TNFRSF8: variants seen among roughly 807,000 people sequenced by gnomAD.
The protein encoded by TNFRSF8 is TNF receptor superfamily member 8.
A neutral mutation model predicts 70.8 loss-of-function variants in TNFRSF8; 26 were observed. The ratio of observed to expected loss-of-function variants is 0.37; its 90% confidence interval spans 0.27 to 0.51. The LOEUF is 0.51. TNFRSF8 is among the 20% of genes least tolerant of loss of function. The probability of loss-of-function intolerance (pLI) is 0.94; values close to 1 mark genes in which losing one functional copy is unlikely to be tolerated. For synonymous variants in TNFRSF8, 356 were observed against 339.2 expected, an observed-to-expected ratio of 1.05 and a Z score of -0.54; for missense variants, 720 against 807.9, an observed-to-expected ratio of 0.89 and a Z score of 1.32.
At chr1:12,069,321 GGT>G (rs1640801110) in intron 1 of TNFRSF8, among the ~76,000 whole-genome samples, 1 of 151,798 alleles carries the variant, frequency 6.6e-6, no homozygotes, top group Non-Finnish European at 1.5e-5. Context: ...TGGGATTACA[GGT>G]GTGTGCCACC....
chr1:12,126,876 A>T (rs1148475), intron 12 of TNFRSF8, among the ~76,000 whole-genome samples: 1 of 152,144 alleles, frequency 6.6e-6, no homozygotes, highest in African/African-American at 2.4e-5. Context: ...CCTGCCTGCA[A>T]TCGGTGGCTG....
In TNFRSF8 at chr1:12,123,847, CA is replaced by C; in HGVS notation, c.1153+21del. On this transcript the variant is annotated intron_variant, in intron 10 of 14. Coordinates refer to ENST00000263932, the MANE Select transcript of TNFRSF8 (RefSeq NM_001243.5). The stretch of plus-strand genomic sequence containing the variant: ...ATGCAGGTAATGGTCCCAGCCCACT[CA>C]CCCCTACTCCCAGCAGGGGCTTCCT... The C allele has an allele frequency of 1.3e-6, 2 of 1,540,940 alleles. No homozygotes were observed. Among genetic ancestry groups the C allele is most frequent in the South Asian group, 2.4e-5 (2 of 83,892 alleles).
rs1021234319 is a variant in TNFRSF8, at chr1:12,138,818, A to G, written c.1543+382A>G. On this transcript the variant is annotated intron_variant, in intron 14 of 14. Transcript: ENST00000263932. The surrounding 1 kb of genome is among the most constrained non-coding windows in gnomAD (Gnocchi z 5.7). ...CCATCTCTTCATCTCTGATGGTCTC[A>G]CCACCTTCTTTGGATGGTGTCTTTC... 1.3e-5 allele frequency among the ~76,000 whole-genome samples: 2 copies of G among 152,180 alleles called. No individual in the cohort carries two copies. The highest frequency in any genetic ancestry group is 4.8e-5 in the African/African-American group (2 of 41,440).
chr1:12,120,699 G>T (rs1239428212), intron 8 of TNFRSF8, among the ~76,000 whole-genome samples: 1 of 152,142 alleles, frequency 6.6e-6, no homozygotes, highest in African/African-American at 2.4e-5. Context: ...GAGTAGGCAG[G>T]TTCTTTTCTT....
At chr1:12,090,822 A>C (rs561604944) in intron 2 of TNFRSF8, among the ~76,000 whole-genome samples, 7 of 152,236 alleles carry the variant, frequency 4.6e-5, no homozygotes, top group African/African-American at 1.7e-4. Flanking sequence ...CCAGAAGTAG[A>C]CTGTTATGGG....
intron 1 of TNFRSF8, among the ~76,000 whole-genome samples, chr1:12,082,101 A>T (rs1424791781): frequency 6.6e-6 from 1 of 152,096 alleles, no homozygotes; most frequent in Non-Finnish European, 1.5e-5. Flanking sequence ...CACCCCAGAA[A>T]AGTGCAATGG....
rs569302999 is a variant in TNFRSF8 at position 12,077,629 on chromosome 1, G to A, written c.64-6835G>A. On this transcript the variant is annotated intron_variant, in intron 1 of 14. Coordinates refer to ENST00000263932, the MANE Select transcript of TNFRSF8 (RefSeq NM_001243.5). ...GGCACACAGCACATGACCTGGATGG[G>A]GGTGATCAGAGAGGGCTTCCCAGAG... Among the ~76,000 whole-genome samples, 54 of 152,286 alleles carry A rather than the reference G, an allele frequency of 3.5e-4. No homozygotes were observed. In the Middle Eastern group the frequency reaches 0.024, roughly 67 times the overall value.
At chr1:12,125,779 G>A in intron 10 of TNFRSF8, 172 bp from the exon 11 acceptor site, 1 of 663,436 alleles carries the variant, frequency 1.5e-6, no homozygotes, top group Admixed American at 2.4e-5. Context: ...TCAGCTTCCT[G>A]GAGCCAGGCG....
chr1:12,100,071 A>C (rs571036477), intron 3 of TNFRSF8, among the ~76,000 whole-genome samples: 6 of 152,222 alleles, frequency 3.9e-5, no homozygotes, highest in African/African-American at 1.4e-4. Flanking sequence ...CAAGAGGCTG[A>C]AGCAGAAGAA....
intron 12 of TNFRSF8, among the ~76,000 whole-genome samples, chr1:12,129,504 G>A (rs535068): frequency 0.63 from 95,791 of 152,076 alleles, 30,913 homozygotes; most frequent in Admixed American, 0.75. Flanking sequence ...TCAGGGCCAC[G>A]TGTTACATTT....
intron 14 of TNFRSF8, among the ~76,000 whole-genome samples, chr1:12,139,464 T>G (rs1286504850): frequency 6.6e-6 from 1 of 152,192 alleles, no homozygotes; most frequent in South Asian, 2.1e-4. Context: ...CCAGGAAGCC[T>G]TCTGTGCCCT....
intron 2 of TNFRSF8, among the ~76,000 whole-genome samples, chr1:12,087,621 C>T (rs1025392956): frequency 9.9e-5 from 15 of 152,196 alleles, no homozygotes; most frequent in Admixed American, 9.2e-4. Flanking sequence ...TCAGGGCCCG[C>T]TTGCTGTGGT....
intron 4 of TNFRSF8, among the ~76,000 whole-genome samples, chr1:12,105,636 C>G (rs901781015): frequency 3.3e-5 from 5 of 151,914 alleles, no homozygotes; most frequent in Non-Finnish European, 7.4e-5. Context: ...CTTCCTGTTA[C>G]TCTAAAGATA....
chr1:12,084,134 T>A, intron 1 of TNFRSF8, among the ~76,000 whole-genome samples: 1 of 152,096 alleles, frequency 6.6e-6, no homozygotes, highest in Middle Eastern at 3.2e-3. Flanking sequence ...AGAGACAAGG[T>A]AGGAAGCAAT....
chr1:12,092,798 G>A (rs56091783), intron 2 of TNFRSF8, among the ~76,000 whole-genome samples: 4,268 of 150,796 alleles, frequency 0.028, 144 homozygotes, highest in African/African-American at 0.08. Context: ...GTGAGCCACC[G>A]CGCCCGACCT....
chr1:12,068,551 G>C (rs957074429), intron 1 of TNFRSF8, among the ~76,000 whole-genome samples: 1 of 152,166 alleles, frequency 6.6e-6, no homozygotes, highest in Admixed American at 6.5e-5. Context: ...ACCTTCTTCC[G>C]GTATCTATGG....
chr1:12,140,241 C>T (rs1299647751), intron 14 of TNFRSF8, among the ~76,000 whole-genome samples: 1 of 152,206 alleles, frequency 6.6e-6, no homozygotes, highest in Non-Finnish European at 1.5e-5. Flanking sequence ...CCACCTCCGC[C>T]ATGGTGGAAA....
chr1:12,087,619 C>A (rs950726827), intron 2 of TNFRSF8, among the ~76,000 whole-genome samples: 10 of 152,194 alleles, frequency 6.6e-5, no homozygotes, highest in Non-Finnish European at 1.0e-4. Context: ...TCTCAGGGCC[C>A]GCTTGCTGTG....
rs183637955 is a variant in TNFRSF8 at position 12,113,177 on chromosome 1, A to G, written c.793+1163A>G. ...CTGGAAAGCCCAAAAGCTGCAGATCAGGAACTTCTGAAGCTTCATTCATTC... is the reference window on the plus strand; with the variant it reads ...CTGGAAAGCCCAAAAGCTGCAGATCGGGAACTTCTGAAGCTTCATTCATTC... On this transcript the variant is annotated intron_variant, in intron 7 of 14. Transcript: ENST00000263932. This position sits in a 1 kb window ranked among gnomAD's most constrained non-coding sequence, Gnocchi z 4.9. Among the ~76,000 whole-genome samples, 100 of 152,364 alleles carry G rather than the reference A, an allele frequency of 6.6e-4. No homozygotes were observed. The highest frequency in any genetic ancestry group is 2.8e-4 in the Non-Finnish European group (19 of 68,032).
Sources: gnomAD v4.1 joint callset for allele counts (sites outside exome capture counted in the v4.1 genomes callset) on GRCh38, gnomAD v4.1.1 for gene constraint, Gnocchi (gnomAD v3.1) non-coding constraint, MANE v1.5 for transcripts, NCBI Gene and HGNC (gene_info 2026-07-23, HGNC 2026-07-21) for gene names.